Variants in DLEU7 observed in about 807,000 individuals in gnomAD.
DLEU7 encodes the protein leukemia-associated protein 7.
In DLEU7, 17 loss-of-function variants were observed where a neutral mutation model predicts 16.0. The observed-to-expected ratio is 1.06, with a 90% confidence interval of 0.73 to 1.59. The LOEUF (loss-of-function observed/expected upper bound fraction) is 1.59. DLEU7 is among the 40% of genes most tolerant of loss of function. The probability of loss-of-function intolerance (pLI) is 0.00; values close to 1 mark genes in which losing one functional copy is unlikely to be tolerated. For synonymous variants in DLEU7, 113 were observed against 139.8 expected, an observed-to-expected ratio of 0.81 and a Z score of 1.35; for missense variants, 308 against 314.9, an observed-to-expected ratio of 0.98 and a Z score of 0.17.
At chr13:50,770,177 A>G (rs947315312) in intron 1 of DLEU7, among the ~76,000 whole-genome samples, 1 of 152,184 alleles carries the variant, frequency 6.6e-6, no homozygotes, top group East Asian at 1.9e-4. Flanking sequence ...TGGAGCCAAG[A>G]CGATGGGGTT....
At position 50,726,382 on chromosome 13, in the gene DLEU7, GAA is replaced by G. The variant is rs1334376734; in HGVS notation, c.460-13144_460-13143del. ...ACAGCTTCTACCCAAATCCCCCTGG[GAA>G]CCAGCCTGCAACAGCCACCTGACTT... On this transcript the variant is annotated intron_variant, in intron 1 of 1. Coordinates refer to the DLEU7 transcript ENST00000400393. The surrounding 1 kb of genome is among the most constrained non-coding windows in gnomAD (Gnocchi z 4.0). Among the ~76,000 whole-genome samples, 1 of 151,988 alleles carries G rather than the reference GAA, an allele frequency of 6.6e-6. No individual in the cohort carries two copies. Among genetic ancestry groups the G allele is most frequent in the Non-Finnish European group, 1.5e-5 (1 of 68,008 alleles).
chr13:50,833,046 C>T (rs888032903), intron 1 of DLEU7, among the ~76,000 whole-genome samples: 11 of 152,154 alleles, frequency 7.2e-5, no homozygotes, highest in African/African-American at 2.7e-4. Flanking sequence ...TAAAACATAT[C>T]TCAAAATTAT....
At chr13:50,737,760 A>G (rs1027008201) in intron 1 of DLEU7, among the ~76,000 whole-genome samples, 3 of 152,136 alleles carry the variant, frequency 2.0e-5, no homozygotes, top group South Asian at 2.1e-4. Flanking sequence ...AAAGCCAATT[A>G]GTAACCCTAC....
chr13:50,836,829 ACAAATCCCTTCTCCAGAC>A (rs1877484473), intron 1 of DLEU7, among the ~76,000 whole-genome samples: 1 of 152,200 alleles, frequency 6.6e-6, no homozygotes, highest in South Asian at 2.1e-4. Context: ...ACAAAAGAAC[ACAAATCCCTTCTCCAGAC>A]CCATTAGCAC....
chr13:50,715,668 T>C (rs941329216), intron 1 of DLEU7, among the ~76,000 whole-genome samples: 1 of 152,164 alleles, frequency 6.6e-6, no homozygotes, highest in Admixed American at 6.5e-5. Context: ...GGGGAAGTCA[T>C]AGCTGGAGGA....
At chr13:50,835,797 GAA>G in intron 1 of DLEU7, among the ~76,000 whole-genome samples, 1 of 152,342 alleles carries the variant, frequency 6.6e-6, no homozygotes, top group South Asian at 2.1e-4. Flanking sequence ...TGGAATTCTT[GAA>G]CAACTGAAAA....
rs1239307252 is a variant in DLEU7, at chr13:50,726,925, A to C, written c.460-13685T>G. Among the ~76,000 whole-genome samples, 1 of 152,196 alleles carries C rather than the reference A, an allele frequency of 6.6e-6. No homozygotes were observed. The highest frequency in any genetic ancestry group is 1.5e-5 in the Non-Finnish European group (1 of 68,024). ...AATCTTTTTCTTATCAGCAAGAGGC[A>C]AGAGGAAAGTGGGGGCACGGGGAAG... On this transcript the variant is annotated intron_variant, in intron 1 of 1. Transcript: ENST00000400393. The surrounding 1 kb of genome is among the most constrained non-coding windows in gnomAD (Gnocchi z 4.0).
intron 1 of DLEU7, among the ~76,000 whole-genome samples, chr13:50,801,274 A>G (rs551488146): frequency 6.6e-6 from 1 of 152,086 alleles, no homozygotes; most frequent in Admixed American, 6.6e-5. Flanking sequence ...CTGAAGCTGC[A>G]TAACTACACC....
chr13:50,754,590 A>G (rs499211), intron 1 of DLEU7, among the ~76,000 whole-genome samples: 72,071 of 151,984 alleles, frequency 0.47, 18,134 homozygotes, highest in African/African-American at 0.63. Flanking sequence ...GTCTCCTGAA[A>G]GCAGCAGATA....
intron 1 of DLEU7, among the ~76,000 whole-genome samples, chr13:50,790,385 T>C (rs1875920716): frequency 6.6e-6 from 1 of 152,302 alleles, no homozygotes; most frequent in South Asian, 2.1e-4. Flanking sequence ...AATCCTTTTA[T>C]ATTTTTTTCA....
chr13:50,817,350 T>C (rs1876764393), intron 1 of DLEU7, among the ~76,000 whole-genome samples: 1 of 152,148 alleles, frequency 6.6e-6, no homozygotes, highest in African/African-American at 2.4e-5. Context: ...AGTAAACATG[T>C]CACATCCAAC....
At chr13:50,777,755 C>T (rs1187575235) in intron 1 of DLEU7, among the ~76,000 whole-genome samples, 1 of 152,036 alleles carries the variant, frequency 6.6e-6, no homozygotes, top group Non-Finnish European at 1.5e-5. Context: ...CAAAGATGTC[C>T]CTAAGAAGCG....
At chr13:50,713,013 C>T (rs548049771) in exon 2 of DLEU7, 57 of 565,158 alleles carry the variant, frequency 1.0e-4, no homozygotes, top group Admixed American at 1.9e-4. Context: ...TGATTTGTGG[C>T]GCGTTCCAAT....
intron 1 of DLEU7, among the ~76,000 whole-genome samples, chr13:50,722,317 CA>C (rs1039569848): frequency 6.6e-6 from 1 of 152,326 alleles, no homozygotes; most frequent in African/African-American, 2.4e-5. Flanking sequence ...CCTGCTTTTC[CA>C]GGAGGAGGAA....
chr13:50,790,677 G>A (rs996072085), intron 1 of DLEU7, among the ~76,000 whole-genome samples: 4 of 152,062 alleles, frequency 2.6e-5, no homozygotes, highest in East Asian at 1.9e-4. Flanking sequence ...GGCGGACAAC[G>A]TGCTGGCTGG....
At chr13:50,752,340 C>G (rs914565468) in intron 1 of DLEU7, among the ~76,000 whole-genome samples, 3 of 152,048 alleles carry the variant, frequency 2.0e-5, no homozygotes, top group Non-Finnish European at 4.4e-5. Flanking sequence ...TGTGAGCCAC[C>G]GTGCCAGGCC....
At chr13:50,737,533 T>C (rs1258740433) in intron 1 of DLEU7, among the ~76,000 whole-genome samples, 2 of 152,206 alleles carry the variant, frequency 1.3e-5, no homozygotes, top group African/African-American at 2.4e-5. Context: ...ATTCAAACTT[T>C]TTAATTATTA....
chr13:50,828,020 G>C (rs1877148966), intron 1 of DLEU7, among the ~76,000 whole-genome samples: 1 of 152,044 alleles, frequency 6.6e-6, no homozygotes, highest in Admixed American at 6.6e-5. Flanking sequence ...ATAAAACTAT[G>C]ACTAATAAAA....
chr13:50,806,795 A>C (rs73186333), intron 1 of DLEU7, among the ~76,000 whole-genome samples: 2,194 of 152,044 alleles, frequency 0.014, 14 homozygotes, highest in Non-Finnish European at 0.023. Flanking sequence ...AGTTGTATTT[A>C]TACTATTCAG....
Sources: gnomAD v4.1 joint callset for allele counts (sites outside exome capture counted in the v4.1 genomes callset) on GRCh38, gnomAD v4.1.1 for gene constraint, Gnocchi (gnomAD v3.1) non-coding constraint, MANE v1.5 for transcripts, NCBI Gene and HGNC (gene_info 2026-07-23, HGNC 2026-07-21) for gene names.